Variants in XRCC5 observed in about 807,000 individuals in gnomAD.
XRCC5 encodes X-ray repair cross complementing 5.
XRCC5 carries 12 observed loss-of-function variants against 95.7 expected under a neutral mutation model. That is an observed-to-expected ratio of 0.13 (90% CI 0.08 to 0.20). The LOEUF is 0.20. Among genes scored for constraint, XRCC5 ranks in the 10% least tolerant of loss-of-function variants. The probability of loss-of-function intolerance (pLI) is 1.00; values close to 1 mark genes in which losing one functional copy is unlikely to be tolerated. For missense variants in XRCC5, 595 were observed against 873.9 expected, an observed-to-expected ratio of 0.68 and a Z score of 4.02; for synonymous variants, 281 against 290.3, an observed-to-expected ratio of 0.97 and a Z score of 0.33.
intron 15 of XRCC5, among the ~76,000 whole-genome samples, chr2:216,160,855 G>T (rs1688938998): frequency 6.6e-6 from 1 of 151,950 alleles, no homozygotes; most frequent in Non-Finnish European, 1.5e-5. Context: ...GTGTAGCTAG[G>T]ACTAAGGGTA....
In XRCC5 at chr2:216,192,692, G is replaced by A. The variant is rs1415536983; in HGVS notation, c.1998G>A (p.Val666=). 2.5e-6 allele frequency: 4 copies of A among 1,599,598 alleles called. No individual in the cohort carries two copies. Among genetic ancestry groups the A allele is most frequent in the Non-Finnish European group, 2.6e-6 (3 of 1,172,608 alleles). ...TCCTGAAAGCCCTTCAAGAGAAAGT[G>A]GAAATTAAACAATTAAATCATTTCT... is the stretch of plus-strand genomic sequence containing the variant. ...NNFLKALQEK[V]EIKQLNHFWE... Residue 666 remains valine, a synonymous_variant, in exon 18 of 21, where the codon GTG becomes GTA. Transcript: ENST00000392132.
At chr2:216,203,761 C>T (rs1196315867) in intron 19 of XRCC5, among the ~76,000 whole-genome samples, 1 of 151,604 alleles carries the variant, frequency 6.6e-6, no homozygotes, top group Non-Finnish European at 1.5e-5. Flanking sequence ...TCCAAGCTCA[C>T]TCATTTTTGC....
At position 216,187,856 on chromosome 2, in the gene XRCC5, CT is replaced by C. The variant is rs1323885733; in HGVS notation, c.1835-2368del. On this transcript the variant is annotated intron_variant, in intron 16 of 20. Transcript: ENST00000392132. ...TCTCTCTCTCTCTCTCTCTCTCTCT[CT>C]CTCTCCCCGTCTCCCTGTCTCTCCC... 4.0e-4 allele frequency among the ~76,000 whole-genome samples: 55 copies of C among 135,940 alleles called. 1 individual carries two copies. Among genetic ancestry groups the C allele is most frequent in the African/African-American group, 1.5e-3 (50 of 32,406 alleles). The allele number at this position is 135,940 out of a possible 152,430, so 89.2% of individuals were successfully genotyped here.
At chr2:216,156,608 C>T (rs1688847357) in intron 14 of XRCC5, 2 of 571,234 alleles carry the variant, frequency 3.5e-6, no homozygotes, top group South Asian at 1.4e-5. Flanking sequence ...AAGACCTGGA[C>T]TTAACTTCTT....
rs78835678 is a variant in XRCC5, at chr2:216,168,823, A to G, written c.1834+6775A>G. Among the ~76,000 whole-genome samples the G allele has an allele frequency of 7.2e-3, 1,096 of 152,326 alleles. 16 individuals carry two copies. Among genetic ancestry groups the G allele is most frequent in the African/African-American group, 0.025 (1,023 of 41,596 alleles). Reference sequence around the variant, plus strand: ...AGATCGCATATAAGTTACAGTAAGTATTATTATCCCCATTCTACTGATAGA... The same window carrying G: ...AGATCGCATATAAGTTACAGTAAGTGTTATTATCCCCATTCTACTGATAGA... On this transcript the variant is annotated intron_variant, in intron 16 of 20. Coordinates refer to ENST00000392132, the MANE Select transcript of XRCC5 (RefSeq NM_021141.4).
At chr2:216,174,966 C>G in intron 16 of XRCC5, 2 of 322,052 alleles carry the variant, frequency 6.2e-6, no homozygotes, top group South Asian at 6.5e-5. Context: ...AGGAACTCCC[C>G]GAGCTTCTTC....
intron 1 of XRCC5, 151 bp from the exon 2 acceptor site, chr2:216,112,865 G>A (rs778158233): frequency 3.3e-6 from 2 of 600,018 alleles, no homozygotes; most frequent in Non-Finnish European, 5.9e-6. Flanking sequence ...AAATTTATAT[G>A]TCTTACACAC....
chr2:216,137,028 T>G (rs1233239699), intron 10 of XRCC5, 60 bp from the exon 11 acceptor site: 5 of 1,567,716 alleles, frequency 3.2e-6, no homozygotes, highest in Non-Finnish European at 4.3e-6. Flanking sequence ...AAGTATTGAG[T>G]TCTGTTGTGA....
chr2:216,190,370 A>C (rs1273615532), intron 17 of XRCC5, 36 bp downstream of exon 17: 1 of 1,576,414 alleles, frequency 6.3e-7, no homozygotes, highest in Non-Finnish European at 8.7e-7. Flanking sequence ...CTTCCTAAAC[A>C]GTTGGCGACT....
At chr2:216,151,441 C>T (rs759314766) in intron 14 of XRCC5, among the ~76,000 whole-genome samples, 3 of 152,136 alleles carry the variant, frequency 2.0e-5, no homozygotes, top group Non-Finnish European at 4.4e-5. Context: ...TTCAGGTCCA[C>T]GAAGACTCCT....
chr2:216,134,675 C>T (rs530343257), intron 10 of XRCC5, among the ~76,000 whole-genome samples: 5 of 147,104 alleles, frequency 3.4e-5, no homozygotes, highest in African/African-American at 5.3e-5. Flanking sequence ...GTGATCCACC[C>T]CCCCCCCTCC....
intron 16 of XRCC5, among the ~76,000 whole-genome samples, chr2:216,178,451 T>G (rs1194299539): frequency 6.6e-6 from 1 of 152,194 alleles, no homozygotes; most frequent in Non-Finnish European, 1.5e-5. Flanking sequence ...TTAATTGTTT[T>G]AGGGTATAAT....
At chr2:216,196,200 C>T (rs1689716012) in intron 19 of XRCC5, among the ~76,000 whole-genome samples, 1 of 149,828 alleles carries the variant, frequency 6.7e-6, no homozygotes, top group African/African-American at 2.5e-5. Context: ...AGCACTTTGC[C>T]TAGCAAAAGA....
chr2:216,156,303 A>G, intron 14 of XRCC5: 1 of 597,556 alleles, frequency 1.7e-6, no homozygotes, highest in Non-Finnish European at 3.2e-6. Context: ...CAAAGGCAGG[A>G]AGCAGAAGCA....
intron 16 of XRCC5, among the ~76,000 whole-genome samples, chr2:216,178,973 A>C (rs1197790676): frequency 6.6e-6 from 1 of 152,244 alleles, no homozygotes. Context: ...ACCAAGATAC[A>C]GACAGTAAAC....
In XRCC5 at chr2:216,138,952, G is replaced by A. The variant is rs192171120; in HGVS notation, c.1342+773G>A. Among the ~76,000 whole-genome samples the A allele has an allele frequency of 2.3e-3, 353 of 152,204 alleles. 1 individual carries two copies. The highest frequency in any genetic ancestry group is 3.4e-3 in the Non-Finnish European group (229 of 68,002). Reference sequence around the variant, plus strand: ...TCTGTTATTTTGGCTAGACCCTTTGGAAGTAGTGTGCTATAGAAAGGCCAA... The same window carrying A: ...TCTGTTATTTTGGCTAGACCCTTTGAAAGTAGTGTGCTATAGAAAGGCCAA... On this transcript the variant is annotated intron_variant, in intron 12 of 20. Transcript: ENST00000392132.
intron 16 of XRCC5, chr2:216,175,464 T>C: frequency 2.0e-6 from 1 of 512,394 alleles, no homozygotes; most frequent in East Asian, 5.5e-5. Flanking sequence ...ACAGTTGTGC[T>C]TGTTAATAGT....
chr2:216,133,683 C>T (rs915244917), intron 10 of XRCC5, among the ~76,000 whole-genome samples: 1 of 152,176 alleles, frequency 6.6e-6, no homozygotes, highest in African/African-American at 2.4e-5. Flanking sequence ...TTCTGTATAT[C>T]ATAGGATCAC....
chr2:216,164,552 A>G (rs535379277), intron 16 of XRCC5, among the ~76,000 whole-genome samples: 2 of 152,344 alleles, frequency 1.3e-5, no homozygotes, highest in East Asian at 3.9e-4. Flanking sequence ...TGCTTAGGGT[A>G]GAGAATGAGT....
Sources: gnomAD v4.1 joint callset for allele counts (sites outside exome capture counted in the v4.1 genomes callset) on GRCh38, gnomAD v4.1.1 for gene constraint, MANE v1.5 for transcripts, NCBI Gene and HGNC (gene_info 2026-07-23, HGNC 2026-07-21) for gene names.